The following ESR1 variants were observed in gnomAD, a reference collection of about 807,000 sequenced individuals.
ESR1 encodes the protein estrogen receptor.
Under a neutral mutation model 52.7 loss-of-function variants are expected in ESR1, and 12 were observed. The observed-to-expected ratio is 0.23, with a 90% CI of 0.15 to 0.37. ESR1 has a LOEUF of 0.37. ESR1 is among the 10% of genes least tolerant of loss of function. The probability of loss-of-function intolerance (pLI) is 1.00; values close to 1 mark genes in which losing one functional copy is unlikely to be tolerated. For synonymous variants in ESR1, 305 were observed against 316.8 expected (o/e 0.96, Z 0.39); for missense variants, 584 against 779.7 (o/e 0.75, Z 2.99).
chr6:151,812,082 T>G (rs986547011), intron 1 of ESR1, among the ~76,000 whole-genome samples: 2 of 152,108 alleles, frequency 1.3e-5, no homozygotes, highest in Non-Finnish European at 2.9e-5. Context: ...TTTCTTATAG[T>G]TTTAAGGATA....
At chr6:152,080,876 C>A (rs894025269) in intron 6 of ESR1, among the ~76,000 whole-genome samples, 1 of 151,660 alleles carries the variant, frequency 6.6e-6, no homozygotes, top group African/African-American at 2.4e-5. Flanking sequence ...GAATTTAAAC[C>A]AACAAAGATC....
intron 1 of ESR1, among the ~76,000 whole-genome samples, chr6:151,677,049 C>T (rs1216929312): frequency 6.6e-6 from 1 of 152,124 alleles, no homozygotes; most frequent in Non-Finnish European, 1.5e-5. Flanking sequence ...GAGGGTCTCA[C>T]TCTGTCATCC....
At chr6:151,976,535 G>A (rs1434538606) in intron 4 of ESR1, among the ~76,000 whole-genome samples, 1 of 152,030 alleles carries the variant, frequency 6.6e-6, no homozygotes, top group African/African-American at 2.4e-5. Flanking sequence ...GGAAAGTACA[G>A]TGAAGTATCT....
chr6:151,844,223 G>GA (rs1176097312), intron 2 of ESR1, among the ~76,000 whole-genome samples: 2 of 151,772 alleles, frequency 1.3e-5, no homozygotes, highest in Non-Finnish European at 2.9e-5. Context: ...TTTTAATTCA[G>GA]AAAAAAATGA....
At position 151,930,280 on chromosome 6, in the gene ESR1, C is replaced by T. The variant is rs915658245; in HGVS notation, c.761-13893C>T. Among the ~76,000 whole-genome samples the T allele has an allele frequency of 7.9e-5, 12 of 152,190 alleles. No individual in the cohort carries two copies. The East Asian group carries it at 9.7e-4, about 12-fold the overall frequency. On this transcript the variant is annotated intron_variant, in intron 3 of 7. Transcript: ENST00000206249. ...GTTTACAGGAGTGAGCCACCGCACCCGGCTTAACTATACTTCTTTAAAGAA... is the reference window on the plus strand; with the variant it reads ...GTTTACAGGAGTGAGCCACCGCACCTGGCTTAACTATACTTCTTTAAAGAA...
intron 5 of ESR1, among the ~76,000 whole-genome samples, chr6:152,018,504 C>T (rs1435747343): frequency 6.6e-6 from 1 of 151,884 alleles, no homozygotes; most frequent in African/African-American, 2.4e-5. Flanking sequence ...TAGGACCTCC[C>T]TTTATATTCC....
In ESR1 at chr6:152,099,434, G is replaced by T; in HGVS notation, c.*468G>T. The stretch of plus-strand genomic sequence containing the variant: ...GTGACTTGGAGAAAGCTAGGTCAAG[G>T]GTTTATTATAGCACCCTCTTGTATT... On this transcript the variant is annotated 3_prime_UTR_variant, in exon 8 of 8. Coordinates refer to ENST00000206249, the MANE Select transcript of ESR1 (RefSeq NM_000125.4). The T allele has an allele frequency of 6.5e-6, 2 of 308,646 alleles. No homozygotes were observed. Among genetic ancestry groups the T allele is most frequent in the South Asian group, 6.7e-5 (1 of 14,846 alleles). 19.1% of individuals were successfully genotyped at this position (308,646 alleles called of 1,614,324 possible).
chr6:151,950,317 C>A (rs960688251), intron 4 of ESR1, among the ~76,000 whole-genome samples: 1 of 152,126 alleles, frequency 6.6e-6, no homozygotes, highest in Non-Finnish European at 1.5e-5. Flanking sequence ...CCCCAGGGCA[C>A]CCTGTGGGGA....
At chr6:151,690,954 T>C (rs954427425) in intron 1 of ESR1, among the ~76,000 whole-genome samples, 1 of 152,204 alleles carries the variant, frequency 6.6e-6, no homozygotes. Flanking sequence ...AGGCTGCCTG[T>C]CTGTTCCAGA....
chr6:151,664,153 G>A (rs1274159702), intron 1 of ESR1, among the ~76,000 whole-genome samples: 1 of 152,202 alleles, frequency 6.6e-6, no homozygotes, highest in Non-Finnish European at 1.5e-5. Context: ...TGGTGACTTA[G>A]ACTTGAGAAA....
intron 2 of ESR1, among the ~76,000 whole-genome samples, chr6:151,704,700 G>A (rs1780049689): frequency 6.6e-6 from 1 of 152,112 alleles, no homozygotes; most frequent in South Asian, 2.1e-4. Flanking sequence ...ATTATTTTCT[G>A]CTCTCCATGG....
rs1039724301 is a variant in ESR1 at position 151,667,097 on chromosome 6, C to T, written n.73+10334C>T. Reference sequence around the variant, plus strand: ...AGACAGAAATTCATAGATTTGCTGTCTGGCCCAGATCTCATTGGATAACTA... The same window carrying T: ...AGACAGAAATTCATAGATTTGCTGTTTGGCCCAGATCTCATTGGATAACTA... On this transcript the variant is annotated intron_variant and non_coding_transcript_variant, in intron 1 of 2. Transcript: ENST00000473497. 2.0e-5 allele frequency among the ~76,000 whole-genome samples: 3 copies of T among 152,150 alleles called. No homozygotes were observed. The South Asian group carries it at 6.2e-4, about 32-fold the overall frequency.
chr6:151,983,588 T>A (rs1315144296), intron 4 of ESR1: 1 of 152,180 alleles, frequency 6.6e-6, no homozygotes, highest in Non-Finnish European at 1.5e-5. Context: ...GCCTATTTAT[T>A]TCCAATGGAA....
At chr6:151,759,472 A>G (rs1292073868) in intron 2 of ESR1, among the ~76,000 whole-genome samples, 3 of 152,056 alleles carry the variant, frequency 2.0e-5, no homozygotes, top group Non-Finnish European at 4.4e-5. Context: ...ATATGTAACT[A>G]ACCTGCACAT....
At chr6:152,031,456 T>C (rs888019220) in intron 5 of ESR1, among the ~76,000 whole-genome samples, 7 of 152,120 alleles carry the variant, frequency 4.6e-5, no homozygotes, top group Admixed American at 1.3e-4. Context: ...ATAAAGGGGA[T>C]ATCACCACTG....
At chr6:151,767,659 A>G (rs1307305597) in intron 2 of ESR1, among the ~76,000 whole-genome samples, 4 of 152,354 alleles carry the variant, frequency 2.6e-5, no homozygotes, top group Non-Finnish European at 5.9e-5. Context: ...TGCTAACACT[A>G]TTATAGCTGC....
chr6:151,699,122 C>G (rs556466960), intron 1 of ESR1, among the ~76,000 whole-genome samples: 19 of 152,150 alleles, frequency 1.2e-4, no homozygotes, highest in Non-Finnish European at 2.2e-4. Flanking sequence ...CTGCAGGGTC[C>G]TTTCTTCACT....
At chr6:151,689,208 T>C (rs116384733), upstream of ESR1, among the ~76,000 whole-genome samples, 159 of 146,446 alleles carry the variant, frequency 1.1e-3, no homozygotes, top group African/African-American at 3.7e-3. Context: ...ACTAAAATAA[T>C]TGAAAGATTT....
chr6:151,958,279 A>T (rs976837923), intron 4 of ESR1, among the ~76,000 whole-genome samples: 1 of 151,896 alleles, frequency 6.6e-6, no homozygotes, highest in East Asian at 1.9e-4. Flanking sequence ...GAATTAGAAC[A>T]CAATAATAAT....
Sources: allele counts gnomAD v4.1 joint callset (sites outside exome capture counted in the v4.1 genomes callset), GRCh38; gene constraint gnomAD v4.1.1; transcripts MANE v1.5; gene names NCBI Gene and HGNC (gene_info 2026-07-23, HGNC 2026-07-21).